NT5C3A: variants seen among roughly 807,000 people sequenced by gnomAD.
The protein encoded by NT5C3A is 5'-nucleotidase, cytosolic IIIA.
In NT5C3A, 23 loss-of-function variants were observed where a neutral mutation model predicts 40.0. That is an observed-to-expected ratio of 0.58 (90% CI 0.41 to 0.81). NT5C3A has a LOEUF of 0.81. Among genes scored for constraint, NT5C3A ranks in the 40% least tolerant of loss-of-function variants. The pLI, the probability that NT5C3A is intolerant of heterozygous loss-of-function variation, is 0.00. For missense variants in NT5C3A, 328 were observed against 403.0 expected (o/e 0.81, Z 1.59); for synonymous variants, 130 against 141.4 (o/e 0.92, Z 0.57).
chr7:33,018,974 T>C (rs1785487126), intron 6 of NT5C3A, among the ~76,000 whole-genome samples: 1 of 152,178 alleles, frequency 6.6e-6, no homozygotes, highest in African/African-American at 2.4e-5. Flanking sequence ...TATGTAAATT[T>C]AGACATAGTA....
At chr7:33,055,040 T>C (rs1261466220) in intron 1 of NT5C3A, among the ~76,000 whole-genome samples, 2 of 152,218 alleles carry the variant, frequency 1.3e-5, no homozygotes, top group Middle Eastern at 3.4e-3. Flanking sequence ...AAAAGATACA[T>C]GCTATCGGGC....
intron 1 of NT5C3A, among the ~76,000 whole-genome samples, chr7:33,041,857 A>G (rs1234977551): frequency 6.6e-6 from 1 of 152,122 alleles, no homozygotes; most frequent in African/African-American, 2.4e-5. Context: ...GGCTGTGGGA[A>G]CCTTTATCAT....
intron 1 of NT5C3A, among the ~76,000 whole-genome samples, chr7:33,053,681 A>G (rs1787460214): frequency 6.6e-6 from 1 of 151,678 alleles, no homozygotes; most frequent in South Asian, 2.1e-4. Context: ...TAAATAAATG[A>G]CTGAAAGAAA....
intron 1 of NT5C3A, among the ~76,000 whole-genome samples, chr7:33,046,856 T>C (rs1010960567): frequency 6.6e-6 from 1 of 151,052 alleles, no homozygotes; most frequent in Non-Finnish European, 1.5e-5. Flanking sequence ...CAAGCTGGAG[T>C]GCAGTGGTGC....
At chr7:33,036,913 G>T (rs1428038555) in intron 1 of NT5C3A, among the ~76,000 whole-genome samples, 1 of 152,180 alleles carries the variant, frequency 6.6e-6, no homozygotes, top group African/African-American at 2.4e-5. Context: ...CCGGGTTCAA[G>T]TGATTCTCCT....
chr7:33,046,517 G>A (rs183778853), intron 1 of NT5C3A, among the ~76,000 whole-genome samples: 5 of 116,600 alleles, frequency 4.3e-5, no homozygotes, highest in Admixed American at 9.4e-5. Flanking sequence ...CTGTGTGACA[G>A]GGGGAGGTTG....
chr7:33,038,794 C>T (rs1328047076), intron 1 of NT5C3A: 1 of 454,644 alleles, frequency 2.2e-6, no homozygotes, highest in South Asian at 1.6e-5. Flanking sequence ...AAACCTATAC[C>T]TGGTATATAA....
chr7:33,036,111 A>T (rs1397115751), intron 1 of NT5C3A: 1 of 757,164 alleles, frequency 1.3e-6, no homozygotes, highest in East Asian at 2.5e-5. Context: ...GGTATGACTT[A>T]TTTATTTTGT....
At chr7:33,020,024 C>A (rs1163826303) in intron 5 of NT5C3A, among the ~76,000 whole-genome samples, 1 of 152,136 alleles carries the variant, frequency 6.6e-6, no homozygotes, top group Non-Finnish European at 1.5e-5. Flanking sequence ...TCAACCCAAC[C>A]TATGGAAGCA....
rs1391413287 is a variant in NT5C3A at position 33,046,956 on chromosome 7, G to T, written c.138+15612C>A. On this transcript the variant is annotated intron_variant, in intron 1 of 8. Transcript: ENST00000610140. ...GTAGTGGGGACCACAGGTGCACCCTGCCACACCTGGCTTCTTTTTTTTTTT... is the reference window on the plus strand; with the variant it reads ...GTAGTGGGGACCACAGGTGCACCCTTCCACACCTGGCTTCTTTTTTTTTTT... Among the ~76,000 whole-genome samples, 4 of 145,280 alleles carry T rather than the reference G, an allele frequency of 2.8e-5. No homozygotes were observed. In the East Asian group the frequency reaches 8.0e-4, roughly 29 times the overall value.
intron 1 of NT5C3A, among the ~76,000 whole-genome samples, chr7:33,047,387 GAAC>G (rs1477860738): frequency 6.6e-6 from 1 of 152,034 alleles, no homozygotes; most frequent in Non-Finnish European, 1.5e-5. Context: ...TAAGGCAAGA[GAAC>G]AATAAACAAA....
At chr7:33,027,006 C>T in intron 1 of NT5C3A, 91 bp from the exon 2 acceptor site, 1 of 790,762 alleles carries the variant, frequency 1.3e-6, no homozygotes, top group Non-Finnish European at 2.1e-6. Context: ...TATTTAAAGA[C>T]ATAAAAATAT....
intron 3 of NT5C3A, among the ~76,000 whole-genome samples, chr7:33,023,319 T>TG (rs1337604206): frequency 2.0e-5 from 3 of 152,108 alleles, no homozygotes; most frequent in Admixed American, 1.3e-4. Context: ...AGCGCAGTTG[T>TG]GCAATCTTGG....
intron 1 of NT5C3A, chr7:33,038,787 C>A (rs1786742764): frequency 2.2e-6 from 1 of 454,086 alleles, no homozygotes; most frequent in African/African-American, 2.0e-5. Context: ...GGCTTGTAAA[C>A]CTATACCTGG....
chr7:33,015,616 T>A, intron 8 of NT5C3A, 54 bp downstream of exon 8: 1 of 1,179,756 alleles, frequency 8.5e-7, no homozygotes. Context: ...CAATTGCCTA[T>A]CAAGTTTCAT....
intron 8 of NT5C3A, among the ~76,000 whole-genome samples, 185 bp downstream of exon 8, chr7:33,015,485 C>T (rs1036425149): frequency 6.6e-6 from 1 of 152,052 alleles, no homozygotes; most frequent in African/African-American, 2.4e-5. Flanking sequence ...ATTGCTTGAG[C>T]CGGGAAGGTC....
intron 1 of NT5C3A, among the ~76,000 whole-genome samples, chr7:33,055,664 T>C (rs1014194252): frequency 6.6e-6 from 1 of 152,214 alleles, no homozygotes; most frequent in African/African-American, 2.4e-5. Context: ...AAGGGAAATG[T>C]CAAAGACCTA....
In NT5C3A at chr7:33,022,057, T is replaced by C; in HGVS notation, c.350A>G (p.Lys117Arg). ...NCKLVTDECR[K>R]KLLQLKEKYY... is the part of the protein sequence containing the mutation. ...TAGATTGTTGTTAGTGTTTACCTTT[T>C]TTCTACATTCATCTGTAACCAGCTT... Residue 117 changes from lysine (K) to arginine (R), a missense_variant, in exon 4 of 9, where the codon AAA (lysine) becomes AGA (arginine). Physicochemically the swap from Lys to Arg is conservative, Grantham distance 26 (BLOSUM62 2). Around this residue, in one of 3 missense-constraint regions of NT5C3A, gnomAD observed 280 missense variants for 317.2 expected, o/e 0.88. Coordinates refer to ENST00000610140, the MANE Select transcript of NT5C3A (RefSeq NM_001002010.5). The C allele has an allele frequency of 6.6e-7, 1 of 1,522,110 alleles. No homozygotes were observed. The highest frequency in any genetic ancestry group is 9.1e-7 in the Non-Finnish European group (1 of 1,097,266). 94.3% of individuals were successfully genotyped at this position (1,522,110 alleles called of 1,614,324 possible). A position where few individuals can be genotyped will look rare whatever the true frequency, so the allele number is the denominator to read the frequency against.
chr7:33,053,937 G>T (rs1166003774), intron 1 of NT5C3A, among the ~76,000 whole-genome samples: 2 of 152,230 alleles, frequency 1.3e-5, no homozygotes, highest in Non-Finnish European at 2.9e-5. Flanking sequence ...GTGGCATATG[G>T]ATAATCTACA....
Sources: gnomAD v4.1 joint callset for allele counts (sites outside exome capture counted in the v4.1 genomes callset) on GRCh38, gnomAD v4.1.1 for gene constraint, gnomAD v4.1.1 regional missense constraint, MANE v1.5 for transcripts, NCBI Gene and HGNC (gene_info 2026-07-23, HGNC 2026-07-21) for gene names.